The following SLC40A1 variants were observed in gnomAD, a reference collection of about 807,000 sequenced individuals.
SLC40A1 encodes the protein ferroportin.
A neutral mutation model predicts 53.5 loss-of-function variants in SLC40A1; 16 were observed. The ratio of observed to expected loss-of-function variants is 0.30; its 90% confidence interval spans 0.20 to 0.45. The LOEUF is 0.45. Ranked by LOEUF, SLC40A1 falls within the 20% of genes least tolerant of loss-of-function variation. The probability of loss-of-function intolerance (pLI) is 1.00; values close to 1 mark genes in which losing one functional copy is unlikely to be tolerated. For missense variants in SLC40A1, 545 were observed against 695.4 expected, an observed-to-expected ratio of 0.78 and a Z score of 2.43; for synonymous variants, 247 against 253.2, an observed-to-expected ratio of 0.98 and a Z score of 0.23.
In SLC40A1 at chr2:189,564,199, T is replaced by C; in HGVS notation, c.787A>G (p.Thr263Ala). ...GAGTCTTTCACACCCATTAGATGAG[T>C]TCCCTCCAGGGGTTTTGGCTCAGTA... ...KDTEPKPLEGTHLMGVKDSNI... is the reference protein window; with the variant it reads ...KDTEPKPLEGAHLMGVKDSNI... Residue 263 changes from threonine (T) to alanine (A), a missense_variant, in exon 7 of 8, where the codon ACT (threonine) becomes GCT (alanine). Thr to Ala is a moderately conservative substitution (Grantham distance 58). Transcript: ENST00000261024. 1.2e-6 allele frequency: 2 copies of C among 1,614,014 alleles called. No individual in the cohort carries two copies. Among genetic ancestry groups the C allele is most frequent in the East Asian group, 2.2e-5 (1 of 44,876 alleles).
chr2:189,568,757 A>G (rs372682231), intron 5 of SLC40A1, among the ~76,000 whole-genome samples: 21 of 152,232 alleles, frequency 1.4e-4, no homozygotes, highest in South Asian at 6.2e-4. Flanking sequence ...TACTTCATAT[A>G]TGAAATCGAT....
In SLC40A1 at chr2:189,564,119, A is replaced by G. The variant is rs1179443375; in HGVS notation, c.867T>C (p.Ala289=). 2.5e-6 allele frequency: 4 copies of G among 1,611,470 alleles called. No homozygotes were observed. The highest frequency in any genetic ancestry group is 3.4e-6 in the Non-Finnish European group (4 of 1,178,924). Residue 289 remains alanine, a synonymous_variant, in exon 7 of 8, where the codon GCT becomes GCC. Transcript: ENST00000261024. ...CATCTCGGAAGGTACGGAAGGGCTC[A>G]GCCATCTGGGAGGCACAAGTAGGCT... ...EQEPTCASQM[A]EPFRTFRDGW...
At chr2:189,570,132 A>G (rs1029927816) in intron 5 of SLC40A1, among the ~76,000 whole-genome samples, 9 of 151,160 alleles carry the variant, frequency 6.0e-5, no homozygotes, top group Admixed American at 2.0e-4. Context: ...GTGTGTGTGT[A>G]TATATATATC....
At chr2:189,579,776 G>A in intron 2 of SLC40A1, 37 bp downstream of exon 2, 1 of 1,562,864 alleles carries the variant, frequency 6.4e-7, no homozygotes, top group Non-Finnish European at 8.8e-7. Context: ...ATAAAAAATT[G>A]CGCAACTGTG....
intron 2 of SLC40A1, among the ~76,000 whole-genome samples, chr2:189,579,079 T>C (rs148638571): frequency 2.0e-5 from 3 of 152,370 alleles, no homozygotes; most frequent in East Asian, 3.8e-4. Context: ...ACTGAACATA[T>C]ATCTAGCACC....
intron 3 of SLC40A1, among the ~76,000 whole-genome samples, chr2:189,574,309 A>G (rs1438957919): frequency 6.6e-6 from 1 of 152,186 alleles, no homozygotes; most frequent in African/African-American, 2.4e-5. Flanking sequence ...ACTTTTCTCT[A>G]TATGTGTTCT....
At chr2:189,579,181 G>A (rs938862390) in intron 2 of SLC40A1, among the ~76,000 whole-genome samples, 17 of 152,100 alleles carry the variant, frequency 1.1e-4, no homozygotes, top group Non-Finnish European at 2.4e-4. Flanking sequence ...AAGTCAGAGG[G>A]AAAACTGTAA....
intron 5 of SLC40A1, 40 bp downstream of exon 5, chr2:189,571,675 C>CCTAACAT (rs2031130289): frequency 6.2e-7 from 1 of 1,605,638 alleles, no homozygotes; most frequent in African/African-American, 1.3e-5. Flanking sequence ...TAAAGTGAAT[C>CCTAACAT]CTAACATGCT....
chr2:189,578,153 ATG>A (rs1323577339), intron 2 of SLC40A1: 1 of 927,918 alleles, frequency 1.1e-6, no homozygotes, highest in Non-Finnish European at 1.3e-6. Context: ...AGAAACATAA[ATG>A]TTTTGTTGTA....
chr2:189,571,992 A>G (rs2031143317), intron 4 of SLC40A1, 151 bp from the exon 5 acceptor site: 3 of 650,458 alleles, frequency 4.6e-6, no homozygotes, highest in Admixed American at 2.2e-5. Context: ...CGTTATAGAT[A>G]TGAAACTGAA....
chr2:189,575,225 T>G lies in SLC40A1; in HGVS notation c.207A>C (p.Ala69=). ...LLTAVYGLVV[A]GSVLVLGAII... is the part of the protein sequence containing the mutation. The stretch of plus-strand genomic sequence containing the variant: ...TGGCTCCCAGGACCAGAACAGACCC[T>G]GCCACCACCAGCCCGTAGACTGCTG... Residue 69 remains alanine (A), a synonymous_variant, in exon 3 of 8, where the codon GCA becomes GCC. Transcript: ENST00000261024. The G allele has an allele frequency of 6.2e-7, 1 of 1,614,162 alleles. No individual in the cohort carries two copies. Among genetic ancestry groups the G allele is most frequent in the Non-Finnish European group, 8.5e-7 (1 of 1,179,988 alleles).
At chr2:189,567,623 C>T (rs1440332155) in intron 5 of SLC40A1, among the ~76,000 whole-genome samples, 4 of 152,222 alleles carry the variant, frequency 2.6e-5, no homozygotes, top group Admixed American at 2.0e-4. Context: ...TCATTTGGGT[C>T]ACCTTAACAG....
At chr2:189,565,056 A>C (rs745941769) in intron 6 of SLC40A1, among the ~76,000 whole-genome samples, 1 of 151,966 alleles carries the variant, frequency 6.6e-6, no homozygotes, top group African/African-American at 2.4e-5. Flanking sequence ...ATTTTTTCCC[A>C]GTCCTATGAC....
At chr2:189,562,333 G>C in intron 7 of SLC40A1, 142 bp from the exon 8 acceptor site, 1 of 620,894 alleles carries the variant, frequency 1.6e-6, no homozygotes, top group Non-Finnish European at 2.7e-6. Context: ...CCATAGCCTT[G>C]CCTTAAGAAT....
At chr2:189,574,307 C>T (rs1019702881) in intron 3 of SLC40A1, among the ~76,000 whole-genome samples, 1 of 152,096 alleles carries the variant, frequency 6.6e-6, no homozygotes, top group African/African-American at 2.4e-5. Context: ...GAACTTTTCT[C>T]TATATGTGTT....
At chr2:189,570,245 TATTTTC>T (rs2031085453) in intron 5 of SLC40A1, among the ~76,000 whole-genome samples, 1 of 152,058 alleles carries the variant, frequency 6.6e-6, no homozygotes, top group Non-Finnish European at 1.5e-5. Context: ...AAAATAATTT[TATTTTC>T]ATTTTATCTA....
intron 5 of SLC40A1, among the ~76,000 whole-genome samples, chr2:189,570,741 A>G (rs1443905527): frequency 1.3e-5 from 2 of 152,038 alleles, no homozygotes; most frequent in East Asian, 1.9e-4. Context: ...CCTCCTTTCT[A>G]ACTTTTTTTT....
Position 189,580,647 on chromosome 2 carries a change from T to A in SLC40A1, c.-187A>T. The A allele has an allele frequency of 2.0e-6, 3 of 1,521,618 alleles. No homozygotes were observed. The South Asian group carries it at 3.6e-5, about 18-fold the overall frequency. The allele number at this position is 1,521,618 out of a possible 1,614,324, so 94.3% of individuals were successfully genotyped here. A position where few individuals can be genotyped will look rare whatever the true frequency, so the allele number is the denominator to read the frequency against. ...AGAAAAGGGGCCCAGGGATTTTCTTTTTTCCTTCTTTCCAAACTTAGCTAA... is the reference window on the plus strand; with the variant it reads ...AGAAAAGGGGCCCAGGGATTTTCTTATTTCCTTCTTTCCAAACTTAGCTAA... On this transcript the variant is annotated 5_prime_UTR_variant, in exon 1 of 8. Transcript: ENST00000261024.
rs1003825897 is a variant in SLC40A1 at position 189,580,485 on chromosome 2, T to C, written c.-25A>G. 2 of 1,613,076 alleles carry C rather than the reference T, an allele frequency of 1.2e-6. No individual in the cohort carries two copies. Among genetic ancestry groups the C allele is most frequent in the Non-Finnish European group, 8.5e-7 (1 of 1,180,002 alleles). On this transcript the variant is annotated 5_prime_UTR_variant, in exon 1 of 8. Transcript: ENST00000261024. ...TGACACTAGGCGACCCCGCTGGCTC[T>C]TCTGCGGCTGCTATCGCTGCTGCTG...
Sources: allele counts gnomAD v4.1 joint callset (sites outside exome capture counted in the v4.1 genomes callset), GRCh38; gene constraint gnomAD v4.1.1; transcripts MANE v1.5; gene names NCBI Gene and HGNC (gene_info 2026-07-23, HGNC 2026-07-21).